The following ANXA8 variants were observed in gnomAD, a reference collection of about 807,000 sequenced individuals.
ANXA8 encodes the protein annexin A8, also known as VAC-beta.
Under a neutral mutation model 26.8 loss-of-function variants are expected in ANXA8, and 9 were observed. The ratio of observed to expected loss-of-function variants is 0.34; its 90% CI spans 0.20 to 0.59. ANXA8 has a LOEUF of 0.59. Ranked by LOEUF, ANXA8 falls within the 20% of genes least tolerant of loss-of-function variation. The probability of loss-of-function intolerance (pLI) is 0.84; values close to 1 mark genes in which losing one functional copy is unlikely to be tolerated. For synonymous variants in ANXA8, 39 were observed against 94.8 expected, an observed-to-expected ratio of 0.41 and a Z score of 3.42; for missense variants, 83 against 238.5, an observed-to-expected ratio of 0.35 and a Z score of 4.29.
At chr10:47,688,361 C>CA in the ANXA8 span, among the ~76,000 whole-genome samples, 1 of 149,318 alleles carries the variant, frequency 6.7e-6, no homozygotes, top group Admixed American at 6.7e-5. Flanking sequence ...GTGATCCTCC[C>CA]ACCTCGGCCT....
At chr10:47,486,013 C>G (rs1346274003), upstream of ANXA8, among the ~76,000 whole-genome samples, 5 of 151,708 alleles carry the variant, frequency 3.3e-5, no homozygotes, top group East Asian at 1.9e-4. Context: ...GAGGCTGAGG[C>G]AGGAGAATTG....
At chr10:47,525,550 A>T in the ANXA8 span, among the ~76,000 whole-genome samples, 2 of 135,654 alleles carry the variant, frequency 1.5e-5, 1 homozygote, top group African/African-American at 5.6e-5. Context: ...GGGGATTATA[A>T]TTCATGATGA....
the ANXA8 span, among the ~76,000 whole-genome samples, chr10:47,558,124 C>A: frequency 6.6e-6 from 1 of 151,910 alleles, no homozygotes; most frequent in Non-Finnish European, 1.5e-5. Context: ...TACCAGTTAA[C>A]ATAAAATAAC....
At chr10:47,747,284 C>T in the ANXA8 span, among the ~76,000 whole-genome samples, 1 of 152,028 alleles carries the variant, frequency 6.6e-6, no homozygotes, top group Non-Finnish European at 1.5e-5. Flanking sequence ...GCCAAGATAT[C>T]ATGTAGAAGG....
the ANXA8 span, among the ~76,000 whole-genome samples, chr10:47,649,549 C>T: frequency 6.6e-6 from 1 of 151,106 alleles, no homozygotes; most frequent in East Asian, 1.9e-4. Context: ...GCTGGGACTA[C>T]AGGCACGCAC....
the ANXA8 span, chr10:47,750,925 T>G: frequency 6.6e-6 from 1 of 150,890 alleles, no homozygotes; most frequent in Admixed American, 6.6e-5. Flanking sequence ...AACAGTCAAT[T>G]AGTATAAGTC....
chr10:47,664,532 C>A, the ANXA8 span, among the ~76,000 whole-genome samples: 1 of 151,278 alleles, frequency 6.6e-6, no homozygotes, highest in Non-Finnish European at 1.5e-5. Context: ...CACGCCACTG[C>A]ACTCCAGCCT....
At chr10:47,717,514 C>G in the ANXA8 span, among the ~76,000 whole-genome samples, 1 of 118,172 alleles carries the variant, frequency 8.5e-6, no homozygotes, top group East Asian at 3.2e-4. Flanking sequence ...AGGCCTGAGT[C>G]CTTGTAAAGA....
At chr10:47,953,428 G>C in the ANXA8 span, among the ~76,000 whole-genome samples, 4 of 150,820 alleles carry the variant, frequency 2.7e-5, no homozygotes, top group Non-Finnish European at 4.4e-5. Context: ...CTGAATTTTT[G>C]TAAGAATCGG....
the ANXA8 span, among the ~76,000 whole-genome samples, chr10:47,666,081 A>G: frequency 1.3e-5 from 2 of 150,670 alleles, no homozygotes; most frequent in Admixed American, 6.6e-5. Context: ...TCTTCAGTAG[A>G]ACAAGAATCT....
chr10:47,560,457 G>A, the ANXA8 span, among the ~76,000 whole-genome samples: 27,902 of 150,572 alleles, frequency 0.19, 2,788 homozygotes, highest in East Asian at 0.51. Flanking sequence ...TTATGTAGAA[G>A]TAATGAAACC....
the ANXA8 span, among the ~76,000 whole-genome samples, chr10:47,567,051 G>A: frequency 6.9e-6 from 1 of 144,734 alleles, no homozygotes; most frequent in Non-Finnish European, 1.5e-5. Context: ...CCCCAGGCAG[G>A]ACTTGGAAAC....
chr10:47,681,251 A>G, the ANXA8 span, among the ~76,000 whole-genome samples: 43 of 152,010 alleles, frequency 2.8e-4, no homozygotes, highest in South Asian at 8.7e-3. Flanking sequence ...AAAGAAAGAT[A>G]TCAGTGATGA....
chr10:47,626,436 AT>A, the ANXA8 span, among the ~76,000 whole-genome samples: 1 of 150,244 alleles, frequency 6.7e-6, no homozygotes, highest in East Asian at 1.9e-4. Context: ...AGATTACTCA[AT>A]TTTTTCCGAC....
At chr10:47,655,403 C>A in the ANXA8 span, among the ~76,000 whole-genome samples, 1 of 151,606 alleles carries the variant, frequency 6.6e-6, no homozygotes, top group African/African-American at 2.4e-5. Flanking sequence ...GGTGAGCACA[C>A]AATTGAACAG....
the ANXA8 span, among the ~76,000 whole-genome samples, chr10:47,591,183 GTGGGGCCTGAA>G: frequency 4.8e-5 from 7 of 145,518 alleles, no homozygotes; most frequent in African/African-American, 2.0e-4. Context: ...ATGCATTTGG[GTGGGGCCTGAA>G]TCACTTTCAG....
At chr10:47,501,396 A>T in the ANXA8 span, among the ~76,000 whole-genome samples, 2 of 142,456 alleles carry the variant, frequency 1.4e-5, no homozygotes, top group African/African-American at 5.1e-5. Context: ...CTTCACATCC[A>T]GTTCAATTTA....
chr10:47,500,565 C>T, the ANXA8 span, among the ~76,000 whole-genome samples: 4 of 145,132 alleles, frequency 2.8e-5, no homozygotes, highest in South Asian at 9.1e-4. Context: ...TGAGAAATCA[C>T]ATTCCTTCTT....
chr10:47,484,106 C>T lies in ANXA8; in HGVS notation c.-173G>A. On this transcript the variant is annotated 5_prime_UTR_variant, in exon 1 of 12. Coordinates refer to ENST00000585281, the MANE Select transcript of ANXA8 (RefSeq NM_001040084.3). ...CACACCTGCCTGCCGTCCCCTCGCC[C>T]CCGGGCTCTGCCTGGCTTTGGGCAT... 1.3e-6 allele frequency: 2 copies of T among 1,550,150 alleles called. No individual in the cohort carries two copies. Among genetic ancestry groups the T allele is most frequent in the Non-Finnish European group, 1.8e-6 (2 of 1,130,848 alleles).
Sources: allele counts gnomAD v4.1 joint callset (sites outside exome capture counted in the v4.1 genomes callset), GRCh38; gene constraint gnomAD v4.1.1; transcripts MANE v1.5; gene names NCBI Gene and HGNC (gene_info 2026-07-23, HGNC 2026-07-21).